Variants in WRAP53 observed in about 807,000 individuals in gnomAD.
WRAP53 encodes the protein telomerase Cajal body protein 1.
WRAP53 carries 28 observed loss-of-function variants against 56.6 expected under a neutral mutation model. The observed-to-expected ratio is 0.50, with a 90% CI of 0.37 to 0.68. WRAP53 has a LOEUF of 0.68. Ranked by LOEUF, WRAP53 falls within the 30% of genes least tolerant of loss-of-function variation. The pLI, the probability that WRAP53 is intolerant of heterozygous loss-of-function variation, is 0.00. For missense variants in WRAP53, 671 were observed against 715.5 expected, an observed-to-expected ratio of 0.94 and a Z score of 0.71; for synonymous variants, 283 against 283.4, an observed-to-expected ratio of 1.00 and a Z score of 0.01.
chr17:7,689,482 C>A, intron 3 of WRAP53, 108 bp from the exon 4 acceptor site: 1 of 1,287,298 alleles, frequency 7.8e-7, no homozygotes, highest in Non-Finnish European at 1.1e-6. Context: ...TCTTCTACTT[C>A]CCTCAAGGAT....
chr17:7,700,842 T>G lies in WRAP53; in HGVS notation c.731+13T>G. 6.3e-7 allele frequency: 1 copy of G among 1,596,664 alleles called. No homozygotes were observed. The highest frequency in any genetic ancestry group is 8.6e-7 in the Non-Finnish European group (1 of 1,164,442). On this transcript the variant is annotated intron_variant, in intron 5 of 10. Coordinates refer to ENST00000396463, the MANE Select transcript of WRAP53 (RefSeq NM_001143992.2). ...CAGACACCTCCTAGTAAGTAATGTTTGCCTCCCTGCTCGCCGCCCCACCAC... is the reference window on the plus strand; with the variant it reads ...CAGACACCTCCTAGTAAGTAATGTTGGCCTCCCTGCTCGCCGCCCCACCAC...
In WRAP53 at chr17:7,689,330, T is replaced by A. The variant is rs776051850; in HGVS notation, c.530+8T>A. On this transcript the variant is annotated splice_region_variant and intron_variant, in intron 3 of 10. Transcript: ENST00000396463. ...CTTGAAAGGCTGTAAGTGGTAAGGATAACAACGGGGCAGGGAGCTGACCAC... is the reference window on the plus strand; with the variant it reads ...CTTGAAAGGCTGTAAGTGGTAAGGAAAACAACGGGGCAGGGAGCTGACCAC... 3.7e-6 allele frequency: 6 copies of A among 1,613,730 alleles called. No homozygotes were observed. The Admixed American group carries it at 1.0e-4, about 27-fold the overall frequency.
In WRAP53 at chr17:7,699,506, A is replaced by ATATT. The variant is rs2074242208; in HGVS notation, c.643-1232_643-1231insTTAT. 2.2e-4 allele frequency among the ~76,000 whole-genome samples: 5 copies of ATATT among 22,958 alleles called. 1 individual carries two copies. The highest frequency in any genetic ancestry group is 3.5e-4 in the Non-Finnish European group (5 of 14,434). 15.1% of individuals were successfully genotyped at this position (22,958 alleles called of 152,430 possible). A position where few individuals can be genotyped will look rare whatever the true frequency, so the allele number is the denominator to read the frequency against. ...TATATATATATATATATATATTTAT[A>ATATT]TATATATATATATATTTATATATAT... On this transcript the variant is annotated intron_variant, in intron 4 of 10. Transcript: ENST00000396463.
Position 7,689,294 on chromosome 17 carries a change from C to G in WRAP53, c.502C>G (p.Pro168Ala), listed in dbSNP as rs774466254. 1.2e-6 allele frequency: 2 copies of G among 1,613,936 alleles called. No homozygotes were observed. Among genetic ancestry groups the G allele is most frequent in the African/African-American group, 2.7e-5 (2 of 74,902 alleles). ...TTCCTGGTCAGAGTTCAGCACCCAACCTGAGAACTTCTTGAAAGGCTGTAA... is the reference window on the plus strand; with the variant it reads ...TTCCTGGTCAGAGTTCAGCACCCAAGCTGAGAACTTCTTGAAAGGCTGTAA... Reference protein sequence around the residue: ...SGSWSEFSTQPENFLKGCKWA... With the variant: ...SGSWSEFSTQAENFLKGCKWA... The change falls in exon 3 of 11, where the codon CCT becomes GCT. Residue 168 changes from proline to alanine, a missense_variant. By Grantham distance (27) the Pro-to-Ala change is conservative (BLOSUM62 -1). This residue lies in a region of WRAP53 where 406 missense variants were observed against 418.5 expected (regional missense o/e 0.97). Coordinates refer to ENST00000396463, the MANE Select transcript of WRAP53 (RefSeq NM_001143992.2).
chr17:7,689,799 C>T (rs1026455174), intron 4 of WRAP53, 98 bp downstream of exon 4: 13 of 1,014,552 alleles, frequency 1.3e-5, no homozygotes, highest in Middle Eastern at 2.7e-4. Context: ...TGTTCACAAA[C>T]GGGACTGTTT....
At chr17:7,695,317 A>G (rs544865599) in intron 4 of WRAP53, among the ~76,000 whole-genome samples, 19 of 152,216 alleles carry the variant, frequency 1.2e-4, no homozygotes, top group African/African-American at 4.6e-4. Context: ...GTATTTCCAT[A>G]TACTTGTGTG....
intron 4 of WRAP53, among the ~76,000 whole-genome samples, chr17:7,697,477 G>A (rs1242633536): frequency 6.6e-6 from 1 of 152,024 alleles, no homozygotes; most frequent in African/African-American, 2.4e-5. Flanking sequence ...GGCCAACATG[G>A]TGAAACCCCA....
At chr17:7,687,833 A>T (rs980226539), upstream of WRAP53, 4 of 388,050 alleles carry the variant, frequency 1.0e-5, no homozygotes, top group Admixed American at 8.9e-5. Flanking sequence ...TCTCAGCTGG[A>T]TCCTTTCTTC....
At position 7,697,286 on chromosome 17, in the gene WRAP53, A is replaced by G. The variant is rs1438487843; in HGVS notation, c.643-3455A>G. 7.3e-5 allele frequency among the ~76,000 whole-genome samples: 11 copies of G among 150,380 alleles called. No individual in the cohort carries two copies. The South Asian group carries it at 2.3e-3, about 32-fold the overall frequency. On this transcript the variant is annotated intron_variant, in intron 4 of 10. Transcript: ENST00000396463. ...TAGTGAGCCGAGATCGTGCCACTGC[A>G]CTCCAGCCTGGGGACAGAGGGAGAC...
In WRAP53 at chr17:7,702,477, G is replaced by A. The variant is rs2074288205; in HGVS notation, c.1089G>A (p.Leu363=). The A allele has an allele frequency of 2.5e-6, 4 of 1,613,902 alleles. No individual in the cohort carries two copies. Among genetic ancestry groups the A allele is most frequent in the Non-Finnish European group, 3.4e-6 (4 of 1,180,020 alleles). ...AWDDGSPLAL[L]GGHQGGITHL... is the part of the protein sequence containing the mutation. ...ATGATGGCTCCCCTCTCGCCTTGCT[G>A]GGAGGGCACCAAGGGGGCATCACCC... is the stretch of plus-strand genomic sequence containing the variant. The change falls in exon 8 of 11, where the codon CTG becomes CTA. Residue 363 remains leucine, a synonymous_variant. Coordinates refer to ENST00000396463, the MANE Select transcript of WRAP53 (RefSeq NM_001143992.2). The surrounding 1 kb of genome is among the most constrained non-coding windows in gnomAD (Gnocchi z 5.0).
At chr17:7,687,307 G>T, upstream of WRAP53, 1 of 395,198 alleles carries the variant, frequency 2.5e-6, no homozygotes, top group South Asian at 1.3e-4. Context: ...CGATTTTCCC[G>T]AGCTGAAAAT....
In WRAP53 at chr17:7,688,851, G is replaced by C. The variant is rs773199225; in HGVS notation, c.203G>C (p.Arg68Pro). ...GGCTCAGCTGTGTCCCAGGAGCTAC[G>C]GGAGGGGGACCCAGTTTCTCTCTCC... ...VAGSAVSQEL[R>P]EGDPVSLSTP... The change falls in exon 2 of 11, where the codon CGG becomes CCG. Residue 68 changes from arginine (R) to proline (P), a missense_variant. By Grantham distance (103) the Arg-to-Pro change is moderately radical. This residue lies in a region of WRAP53 where 406 missense variants were observed against 418.5 expected (regional missense o/e 0.97). Coordinates refer to ENST00000396463, the MANE Select transcript of WRAP53 (RefSeq NM_001143992.2). 6 of 1,614,206 alleles carry C rather than the reference G, an allele frequency of 3.7e-6. No individual in the cohort carries two copies. The African/African-American group carries it at 8.0e-5, about 22-fold the overall frequency.
intron 4 of WRAP53, among the ~76,000 whole-genome samples, chr17:7,692,119 C>T (rs1257022783): frequency 6.6e-6 from 1 of 151,138 alleles, no homozygotes; most frequent in African/African-American, 2.4e-5. Context: ...GGATTACAGG[C>T]ATGAGCCACT....
rs1241187806 is a variant in WRAP53 at position 7,702,410 on chromosome 17, C to T, written c.1022C>T (p.Ala341Val). Residue 341 changes from alanine to valine, a missense_variant, in exon 8 of 11, where the codon GCC becomes GTC. Ala to Val is a moderately conservative substitution (Grantham distance 64). Coordinates refer to ENST00000396463, the MANE Select transcript of WRAP53 (RefSeq NM_001143992.2). The surrounding 1 kb of genome is among the most constrained non-coding windows in gnomAD (Gnocchi z 5.0). ...IAFSPAQPLYACGSYGRSLGL... is the reference protein window; with the variant it reads ...IAFSPAQPLYVCGSYGRSLGL... Reference sequence around the variant, plus strand: ...TTCAGCCCAGCCCAGCCCCTCTATGCCTGTGGCTCCTACGGCCGCTCCCTG... The same window carrying T: ...TTCAGCCCAGCCCAGCCCCTCTATGTCTGTGGCTCCTACGGCCGCTCCCTG... 1.2e-6 allele frequency: 2 copies of T among 1,614,064 alleles called. No individual in the cohort carries two copies. The highest frequency in any genetic ancestry group is 2.7e-5 in the African/African-American group (2 of 74,948).
chr17:7,689,792 T>C lies in WRAP53; in HGVS notation c.642+91T>C, dbSNP rs181313855. ...AAAGTGTAGTCCAAGTGTTTCCTGT[T>C]CACAAACGGGACTGTTTTTCAAGAC... On this transcript the variant is annotated intron_variant, in intron 4 of 10. Coordinates refer to ENST00000396463, the MANE Select transcript of WRAP53 (RefSeq NM_001143992.2). The C allele has an allele frequency of 5.9e-3, 6,322 of 1,064,906 alleles. 31 individuals carry two copies. Among genetic ancestry groups the C allele is most frequent in the Non-Finnish European group, 6.6e-3 (4,675 of 709,920 alleles). 66.0% of individuals were successfully genotyped at this position (1,064,906 alleles called of 1,614,324 possible).
At chr17:7,691,060 T>A (rs2074100844) in intron 4 of WRAP53, among the ~76,000 whole-genome samples, 1 of 151,752 alleles carries the variant, frequency 6.6e-6, no homozygotes, top group Non-Finnish European at 1.5e-5. Context: ...AATACAAAAA[T>A]TAGCTGGGTG....
At position 7,702,197 on chromosome 17, in the gene WRAP53, A is replaced by T. The variant is rs2074284140; in HGVS notation, c.956-147A>T. 2 of 847,162 alleles carry T rather than the reference A, an allele frequency of 2.4e-6. No homozygotes were observed. The highest frequency in any genetic ancestry group is 3.9e-6 in the Non-Finnish European group (2 of 518,664). 52.5% of individuals were successfully genotyped at this position (847,162 alleles called of 1,614,324 possible). On this transcript the variant is annotated intron_variant, in intron 7 of 10. Coordinates refer to ENST00000396463, the MANE Select transcript of WRAP53 (RefSeq NM_001143992.2). This position sits in a 1 kb window ranked among gnomAD's most constrained non-coding sequence, Gnocchi z 5.0. ...GGAGGATAGATGTGGGGAGCATCAG[A>T]GGTCTTTGTCCTGCTTGTGACAGAC...
Position 7,689,292 on chromosome 17 carries a change from A to G in WRAP53, c.500A>G (p.Gln167Arg), listed in dbSNP as rs1597404668. Reference protein sequence around the residue: ...LSGSWSEFSTQPENFLKGCKW... With the variant: ...LSGSWSEFSTRPENFLKGCKW... ...GGTTCCTGGTCAGAGTTCAGCACCC[A>G]ACCTGAGAACTTCTTGAAAGGCTGT... Residue 167 changes from glutamine to arginine, a missense_variant, in exon 3 of 11, where the codon CAA becomes CGA. Gln to Arg is a conservative substitution (Grantham distance 43). Transcript: ENST00000396463. 2 of 1,613,916 alleles carry G rather than the reference A, an allele frequency of 1.2e-6. No homozygotes were observed. The highest frequency in any genetic ancestry group is 2.7e-5 in the African/African-American group (2 of 74,948).
chr17:7,699,024 C>G (rs944075848), intron 4 of WRAP53, among the ~76,000 whole-genome samples: 7 of 151,928 alleles, frequency 4.6e-5, no homozygotes, highest in African/African-American at 1.7e-4. Flanking sequence ...CGCCACTGTG[C>G]TCCAGCCTAG....
Sources: allele counts gnomAD v4.1 joint callset (sites outside exome capture counted in the v4.1 genomes callset), GRCh38; gene constraint gnomAD v4.1.1; regional missense constraint gnomAD v4.1.1; non-coding constraint Gnocchi (gnomAD v3.1); transcripts MANE v1.5; gene names NCBI Gene and HGNC (gene_info 2026-07-23, HGNC 2026-07-21).